BCOR: variants seen among roughly 807,000 people sequenced by gnomAD.
The protein encoded by BCOR is BCL-6 corepressor.
BCOR carries 10 observed loss-of-function variants against 86.7 expected under a neutral mutation model. The ratio of observed to expected loss-of-function variants is 0.12; its 90% confidence interval spans 0.07 to 0.20. The LOEUF (loss-of-function observed/expected upper bound fraction) is 0.20. Among genes scored for constraint, BCOR ranks in the 10% least tolerant of loss-of-function variants. The pLI is 1.00. For missense variants in BCOR, 1,259 were observed against 1,452.1 expected (o/e 0.87, Z 2.16); for synonymous variants, 611 against 609.0 (o/e 1.00, Z -0.05).
chrX:40,160,142 C>T (rs1263258729), intron 1 of BCOR, among the ~76,000 whole-genome samples: 1 of 110,734 alleles, frequency 9.0e-6, no homozygotes, highest in Admixed American at 9.5e-5. Context: ...GAGTCTGGCT[C>T]TGTCGCCCAG....
intron 1 of BCOR, among the ~76,000 whole-genome samples, chrX:40,159,329 C>T (rs1938364032): frequency 8.9e-6 from 1 of 112,515 alleles, no homozygotes; most frequent in Admixed American, 9.4e-5. Context: ...CACCGCATTT[C>T]ATAAAAGTGT....
Position 40,072,408 on chromosome X carries a change from C to T in BCOR, c.2938G>A (p.Val980Ile), listed in dbSNP as rs1344810053. The T allele has an allele frequency of 1.7e-6, 2 of 1,210,696 alleles. No homozygotes were observed. Among genetic ancestry groups the T allele is most frequent in the Non-Finnish European group, 2.2e-6 (2 of 894,928 alleles). Residue 980 changes from valine to isoleucine, a missense_variant, in exon 4 of 15, where the codon GTC (valine) becomes ATC (isoleucine). By Grantham distance (29) the Val-to-Ile change is conservative. Coordinates refer to ENST00000378444, the MANE Select transcript of BCOR (RefSeq NM_001123385.2). The stretch of plus-strand genomic sequence containing the variant: ...GAATCTGCATACAGTTCGGTAGTGA[C>T]ACATTTGAATCGGTCACCCACGTAA... ...AGYVGDRFKC[V>I]TTELYADSSQ...
upstream of BCOR, among the ~76,000 whole-genome samples, chrX:40,100,672 C>T (rs1256105974): frequency 9.6e-6 from 1 of 103,820 alleles, no homozygotes; most frequent in Non-Finnish European, 2.0e-5. Flanking sequence ...GCACTCCAGC[C>T]TGGGCAACAA....
rs1353823807 is a variant in BCOR at position 40,073,223 on chromosome X, G to A, written c.2123C>T (p.Thr708Ile). ...PKPGLPYGLP[T>I]GRPEFVTYQD... Reference sequence around the variant, plus strand: ...GTAGGTCACAAACTCTGGACGGCCGGTGGGAAGCCCATAGGGCAGCCCAGG... The same window carrying A: ...GTAGGTCACAAACTCTGGACGGCCGATGGGAAGCCCATAGGGCAGCCCAGG... The change falls in exon 4 of 15, where the codon ACC becomes ATC. Residue 708 changes from threonine (T) to isoleucine (I), a missense_variant. Thr to Ile is a moderately conservative substitution (Grantham distance 89). This residue lies in a region of BCOR where 534 missense variants were observed against 594.8 expected (regional missense o/e 0.90). Coordinates refer to ENST00000378444, the MANE Select transcript of BCOR (RefSeq NM_001123385.2). 1 of 1,212,340 alleles carries A rather than the reference G, an allele frequency of 8.2e-7. No homozygotes were observed. The highest frequency in any genetic ancestry group is 1.1e-6 in the Non-Finnish European group (1 of 895,631).
chrX:40,099,990 C>T (rs1227285428), upstream of BCOR, among the ~76,000 whole-genome samples: 1 of 111,756 alleles, frequency 8.9e-6, no homozygotes, highest in Non-Finnish European at 1.9e-5. Flanking sequence ...CTCTGCAAGC[C>T]AACCCACACA....
chrX:40,142,865 T>G (rs1937953163), intron 1 of BCOR, among the ~76,000 whole-genome samples: 1 of 111,919 alleles, frequency 8.9e-6, no homozygotes, highest in African/African-American at 3.3e-5. Context: ...TCTCGGAAGA[T>G]TCACTTTCTC....
At chrX:40,139,400 T>TATA (rs1198118599) in intron 1 of BCOR, among the ~76,000 whole-genome samples, 2 of 17,541 alleles carry the variant, frequency 1.1e-4, no homozygotes, top group African/African-American at 1.1e-3. Flanking sequence ...TATACATATA[T>TATA]ATATATATAT....
rs1053084570 is a variant in BCOR, at chrX:40,073,283, T to C, written c.2063A>G (p.Asn688Ser). The change falls in exon 4 of 15, where the codon AAT (asparagine) becomes AGT (serine). Residue 688 changes from asparagine to serine, a missense_variant. This residue lies in a region of BCOR where 534 missense variants were observed against 594.8 expected (regional missense o/e 0.90). Transcript: ENST00000378444. The part of the protein sequence containing the change: ...PVYPHPVLLP[N>S]GSLFPGHLAP... ...AAGGTGCCCAGGAAACAGACTGCCA[T>C]TGGGTAACAAAACTGGGTGAGGGTA... 5 of 1,209,417 alleles carry C rather than the reference T, an allele frequency of 4.1e-6. No homozygotes were observed. The African/African-American group carries it at 5.2e-5, about 13-fold the overall frequency.
chrX:40,176,387 G>T (rs1938753511), intron 1 of BCOR, among the ~76,000 whole-genome samples: 1 of 112,489 alleles, frequency 8.9e-6, no homozygotes, highest in Non-Finnish European at 1.9e-5. Flanking sequence ...GTAGCCCCGC[G>T]GGCCCCCCCG....
chrX:40,061,208 C>T (rs1443979244), intron 10 of BCOR, among the ~76,000 whole-genome samples: 2 of 112,244 alleles, frequency 1.8e-5, no homozygotes, highest in Non-Finnish European at 1.9e-5. Flanking sequence ...GCACTGTGGG[C>T]TATTACATCA....
At chrX:40,136,176 T>A (rs970360905) in intron 1 of BCOR, among the ~76,000 whole-genome samples, 2 of 112,134 alleles carry the variant, frequency 1.8e-5, no homozygotes, top group Admixed American at 1.9e-4. Context: ...GAAGAACATG[T>A]CCCAGGTAGC....
At chrX:40,157,855 G>A (rs1473298673) in intron 1 of BCOR, among the ~76,000 whole-genome samples, 4 of 112,629 alleles carry the variant, frequency 3.6e-5, no homozygotes, top group Non-Finnish European at 7.5e-5. Flanking sequence ...CACAGCAAAT[G>A]TGAGGAACCG....
chrX:40,176,420 G>C (rs766943363), intron 1 of BCOR, among the ~76,000 whole-genome samples: 1 of 112,482 alleles, frequency 8.9e-6, no homozygotes, highest in South Asian at 3.6e-4. Context: ...GGGCGCCCCT[G>C]GGACGCAGGC....
chrX:40,140,397 G>A (rs1441645163), intron 1 of BCOR, among the ~76,000 whole-genome samples: 1 of 110,867 alleles, frequency 9.0e-6, no homozygotes, highest in Non-Finnish European at 1.9e-5. Context: ...CTGGGAGGTC[G>A]AGGATGCAGT....
At chrX:40,063,356 C>A (rs1935005765) in intron 8 of BCOR, among the ~76,000 whole-genome samples, 1 of 112,461 alleles carries the variant, frequency 8.9e-6, no homozygotes, top group South Asian at 3.7e-4. Flanking sequence ...TTTCCTGCCC[C>A]CTACCCACTG....
chrX:40,166,716 TC>T (rs1316690516), intron 1 of BCOR, among the ~76,000 whole-genome samples: 1 of 112,048 alleles, frequency 8.9e-6, no homozygotes, highest in African/African-American at 3.2e-5. Context: ...GCTTTGGGCT[TC>T]CTCTGATGAA....
chrX:40,094,626 AGGAGCAGCCAGGCAGCGACGCGAGCG>A (rs1936769575), intron 1 of BCOR, among the ~76,000 whole-genome samples: 1 of 113,206 alleles, frequency 8.8e-6, no homozygotes, highest in South Asian at 3.5e-4. Flanking sequence ...GGAGGCGGGG[AGGAGCAGCCAGGCAGCGACGCGAGCG>A]GGAGCGAGTT....
In BCOR at chrX:40,053,965, AGGCATC is replaced by A; in HGVS notation, c.4891_4896del (p.Asp1631_Ala1632del). On this transcript the variant is annotated inframe_deletion, in exon 14 of 15. Transcript: ENST00000378444. ...AATTCAAATTCAAACACATCGCTAT[AGGCATC>A]GTCATCATCATCCTGGTCTTCTGGT... is the stretch of plus-strand genomic sequence containing the variant. 1.7e-6 allele frequency: 2 copies of A among 1,211,028 alleles called. No individual in the cohort carries two copies. Among genetic ancestry groups the A allele is most frequent in the Non-Finnish European group, 2.2e-6 (2 of 894,912 alleles).
intron 1 of BCOR, among the ~76,000 whole-genome samples, chrX:40,162,294 C>G (rs1441048997): frequency 8.9e-6 from 1 of 112,035 alleles, no homozygotes; most frequent in Non-Finnish European, 1.9e-5. Context: ...GTGCAGTACA[C>G]AAACTGTACA....
Sources: allele counts gnomAD v4.1 joint callset (sites outside exome capture counted in the v4.1 genomes callset), GRCh38; gene constraint gnomAD v4.1.1; regional missense constraint gnomAD v4.1.1; transcripts MANE v1.5; gene names NCBI Gene and HGNC (gene_info 2026-07-23, HGNC 2026-07-21).